The following FGF13 variants were observed in gnomAD, a reference collection of about 807,000 sequenced individuals.
FGF13 encodes fibroblast growth factor homologous factor 2.
In FGF13, 2 loss-of-function variants were observed where a neutral mutation model predicts 19.5. That is an observed-to-expected ratio of 0.10 (90% confidence interval 0.04 to 0.32). FGF13 has a LOEUF of 0.32. Among genes scored for constraint, FGF13 ranks in the 10% least tolerant of loss-of-function variants. FGF13 has a pLI of 1.00. For missense variants in FGF13, 113 were observed against 192.7 expected (o/e 0.59, Z 2.45); for synonymous variants, 72 against 76.9 (o/e 0.94, Z 0.33).
At chrX:139,157,977 C>T (rs1346473367) in intron 1 of FGF13, among the ~76,000 whole-genome samples, 2 of 112,025 alleles carry the variant, frequency 1.8e-5, no homozygotes, top group Non-Finnish European at 1.9e-5. Flanking sequence ...CAGGGTGGGG[C>T]GTTGCCTCAC....
At chrX:138,771,066 G>A (rs1204767900) in intron 3 of FGF13, among the ~76,000 whole-genome samples, 6 of 111,610 alleles carry the variant, frequency 5.4e-5, no homozygotes, top group Non-Finnish European at 1.1e-4. Context: ...ACATTACACC[G>A]ATGGACCTCC....
intron 1 of FGF13, among the ~76,000 whole-genome samples, chrX:138,950,580 C>G (rs898383450): frequency 8.0e-5 from 9 of 111,892 alleles, no homozygotes; most frequent in African/African-American, 2.9e-4. Flanking sequence ...GACTTAAAAA[C>G]CTCTTCAACA....
At chrX:138,992,979 T>G (rs1010104307) in intron 1 of FGF13, among the ~76,000 whole-genome samples, 1 of 112,119 alleles carries the variant, frequency 8.9e-6, no homozygotes, top group Non-Finnish European at 1.9e-5. Context: ...ATGTACCTCT[T>G]GATATCATGC....
rs868421587 is a variant in FGF13 at position 138,790,777 on chromosome X, T to C, written c.217+66735A>G. On this transcript the variant is annotated intron_variant, in intron 3 of 6. Transcript: ENST00000436198. ...AGACATAGGCATGCTTTACTTCCTC[T>C]GTACTTTCAAAGCTATTTGCCATAC... 3.6e-5 allele frequency among the ~76,000 whole-genome samples: 4 copies of C among 112,368 alleles called. No individual in the cohort carries two copies. The South Asian group carries it at 1.1e-3, about 31-fold the overall frequency.
chrX:139,158,944 C>A (rs2084003387), intron 1 of FGF13, among the ~76,000 whole-genome samples: 1 of 111,821 alleles, frequency 8.9e-6, no homozygotes, highest in African/African-American at 3.3e-5. Context: ...CCTAGCAAGA[C>A]AGGCCAACAT....
intron 1 of FGF13, among the ~76,000 whole-genome samples, chrX:139,008,353 C>G (rs2092112924): frequency 8.9e-6 from 1 of 112,495 alleles, no homozygotes; most frequent in Non-Finnish European, 1.9e-5. Flanking sequence ...CTGATGCACT[C>G]TTGAAAGCGT....
chrX:138,860,525 A>G (rs915576396), intron 2 of FGF13, among the ~76,000 whole-genome samples: 6 of 111,795 alleles, frequency 5.4e-5, no homozygotes, highest in African/African-American at 2.0e-4. Context: ...CTTCTTGCAC[A>G]TGACCTCTAT....
intron 1 of FGF13, among the ~76,000 whole-genome samples, chrX:139,016,329 AT>A (rs751672098): frequency 1.8e-5 from 2 of 111,592 alleles, no homozygotes; most frequent in African/African-American, 6.5e-5. Flanking sequence ...CTCTATTGCT[AT>A]TTTTGCAAAT....
At chrX:139,011,863 A>G (rs1266975823) in intron 1 of FGF13, among the ~76,000 whole-genome samples, 1 of 111,638 alleles carries the variant, frequency 9.0e-6, no homozygotes, top group Non-Finnish European at 1.9e-5. Flanking sequence ...AGAAAGAAAT[A>G]AAGGGCATCC....
At chrX:139,054,325 A>G (rs111415598) in intron 1 of FGF13, among the ~76,000 whole-genome samples, 2,088 of 108,752 alleles carry the variant, frequency 0.019, 63 homozygotes, top group African/African-American at 0.066. Context: ...GGGTTTCACC[A>G]TGTTAGCCAG....
At chrX:138,686,758 T>G (rs1180005712) in intron 3 of FGF13, among the ~76,000 whole-genome samples, 1 of 111,879 alleles carries the variant, frequency 8.9e-6, no homozygotes, top group Non-Finnish European at 1.9e-5. Context: ...ATGACACCTA[T>G]ACTTGATGAT....
intron 1 of FGF13, among the ~76,000 whole-genome samples, chrX:138,881,567 T>A (rs911642189): frequency 9.8e-5 from 11 of 111,817 alleles, no homozygotes; most frequent in Admixed American, 6.6e-4. Flanking sequence ...AGTTTCAAAT[T>A]ACGGATTCCA....
chrX:138,626,546 T>C lies in FGF13; in HGVS notation c.*6304A>G, dbSNP rs925643377. 8.9e-6 allele frequency: 1 copy of C among 112,278 alleles called. No individual in the cohort carries two copies. The highest frequency in any genetic ancestry group is 1.9e-5 in the Non-Finnish European group (1 of 53,294). The allele number at this position is 112,278 out of a possible 1,213,427, so 9.3% of individuals were successfully genotyped here. A position where few individuals can be genotyped will look rare whatever the true frequency, so the allele number is the denominator to read the frequency against. ...ATTTATTGCAATCTAAGTGTGATGC[T>C]TGCATGTCTATCTACCACTTTACAC... On this transcript the variant is annotated 3_prime_UTR_variant, in exon 5 of 5. Coordinates refer to ENST00000315930, the MANE Select transcript of FGF13 (RefSeq NM_004114.5).
intron 1 of FGF13, among the ~76,000 whole-genome samples, chrX:138,731,588 G>A (rs2090231524): frequency 9.1e-6 from 1 of 109,954 alleles, no homozygotes; most frequent in South Asian, 3.8e-4. Context: ...TCAAACAGAA[G>A]AAAGTTATAA....
At chrX:138,782,399 T>C (rs975498851) in intron 3 of FGF13, among the ~76,000 whole-genome samples, 6 of 111,052 alleles carry the variant, frequency 5.4e-5, no homozygotes, top group African/African-American at 2.0e-4. Context: ...GACATGATTG[T>C]ATATCTAGAA....
chrX:139,033,043 A>AAAAAAAAAAC (rs1569444616), intron 1 of FGF13, among the ~76,000 whole-genome samples: 26 of 102,746 alleles, frequency 2.5e-4, no homozygotes, highest in African/African-American at 9.4e-4. Context: ...AAAAAAAAAA[A>AAAAAAAAAAC]AAAAAAAAAA....
chrX:139,134,636 G>A (rs1312452258), intron 1 of FGF13, among the ~76,000 whole-genome samples: 3 of 111,680 alleles, frequency 2.7e-5, no homozygotes, highest in South Asian at 3.8e-4. Flanking sequence ...GATACACAAC[G>A]TAGAGTAGTT....
At chrX:139,157,409 G>C (rs1258980719) in intron 1 of FGF13, among the ~76,000 whole-genome samples, 2 of 111,819 alleles carry the variant, frequency 1.8e-5, no homozygotes, top group African/African-American at 6.5e-5. Context: ...TCATGTGTTG[G>C]AAACTTAATA....
intron 1 of FGF13, among the ~76,000 whole-genome samples, chrX:139,174,293 T>C (rs1264232260): frequency 8.9e-6 from 1 of 112,595 alleles, no homozygotes; most frequent in Non-Finnish European, 1.9e-5. Flanking sequence ...TTGTAGATTC[T>C]GGATGTTAGC....
Sources: allele counts gnomAD v4.1 joint callset (sites outside exome capture counted in the v4.1 genomes callset), GRCh38; gene constraint gnomAD v4.1.1; transcripts MANE v1.5; gene names NCBI Gene and HGNC (gene_info 2026-07-23, HGNC 2026-07-21).